The following CNTRL variants were observed in gnomAD, a reference collection of about 807,000 sequenced individuals.
CNTRL encodes the protein centriolin, also known as 110 kDa centrosomal protein.
CNTRL carries 233 observed loss-of-function variants against 303.7 expected under a neutral mutation model. That is an observed-to-expected ratio of 0.77 (90% CI 0.69 to 0.86). CNTRL has a LOEUF of 0.86. CNTRL is among the 40% of genes least tolerant of loss of function. The probability of loss-of-function intolerance (pLI) is 0.00; values close to 1 mark genes in which losing one functional copy is unlikely to be tolerated. For synonymous variants in CNTRL, 900 were observed against 922.2 expected (o/e 0.98, Z 0.44); for missense variants, 2,524 against 2,650.6 (o/e 0.95, Z 1.05).
At position 121,177,217 on chromosome 9, in the gene CNTRL, GA is replaced by G; in HGVS notation, c.*35del. The G allele has an allele frequency of 6.3e-7, 1 of 1,581,944 alleles. No homozygotes were observed. Among genetic ancestry groups the G allele is most frequent in the Non-Finnish European group, 8.7e-7 (1 of 1,154,310 alleles). ...ACTGTCTTGTGTAAATATATTCAAG[GA>G]AAACACCTCCACTACCTCACTGACT... is the stretch of plus-strand genomic sequence containing the variant. On this transcript the variant is annotated 3_prime_UTR_variant, in exon 44 of 44. Transcript: ENST00000373855.
intron 21 of CNTRL, 99 bp downstream of exon 21, chr9:121,145,058 C>T (rs770086703): frequency 2.5e-6 from 3 of 1,188,584 alleles, no homozygotes; most frequent in Non-Finnish European, 3.7e-6. Context: ...TTCTGAAGTG[C>T]AATCAATAGT....
At chr9:121,104,462 C>T (rs541518463) in intron 7 of CNTRL, among the ~76,000 whole-genome samples, 1 of 151,618 alleles carries the variant, frequency 6.6e-6, no homozygotes, top group Non-Finnish European at 1.5e-5. Flanking sequence ...CAACATGGCA[C>T]GTGTATACAT....
intron 7 of CNTRL, among the ~76,000 whole-genome samples, chr9:121,104,604 A>G (rs2049364267): frequency 6.6e-6 from 1 of 152,192 alleles, no homozygotes; most frequent in Non-Finnish European, 1.5e-5. Flanking sequence ...GGACAGCTCA[A>G]TAAAAAGTGT....
intron 2 of CNTRL, among the ~76,000 whole-genome samples, chr9:121,086,633 CTTTTT>C (rs60828602): frequency 6.4e-4 from 76 of 119,210 alleles, no homozygotes; most frequent in African/African-American, 2.3e-3. Context: ...GCTGGATTTA[CTTTTT>C]TTTTTTTTTT....
chr9:121,100,100 G>A (rs1415178091), intron 7 of CNTRL, among the ~76,000 whole-genome samples: 4 of 152,080 alleles, frequency 2.6e-5, no homozygotes, highest in East Asian at 1.9e-4. Flanking sequence ...TCCAAGACAC[G>A]TAATTGTCAG....
chr9:121,082,159 C>T (rs1449614355), intron 2 of CNTRL, among the ~76,000 whole-genome samples: 1 of 152,114 alleles, frequency 6.6e-6, no homozygotes, highest in African/African-American at 2.4e-5. Context: ...CCCTCAGAAC[C>T]AGAAGAGATT....
Position 121,125,839 on chromosome 9 carries a change from G to A in CNTRL, c.1928G>A (p.Arg643Gln), listed in dbSNP as rs368951469. The A allele has an allele frequency of 6.2e-6, 10 of 1,614,080 alleles. No homozygotes were observed. Among genetic ancestry groups the A allele is most frequent in the East Asian group, 4.5e-5 (2 of 44,896 alleles). Residue 643 changes from arginine (R) to glutamine (Q), a missense_variant, in exon 14 of 44, where the codon CGG becomes CAG. Coordinates refer to ENST00000373855, the MANE Select transcript of CNTRL (RefSeq NM_007018.6). ...GCCCAGAATGAGTGCAGGAAGCTGC[G>A]GGATGAGAAAGAGACATTGTTGCAG... is the stretch of plus-strand genomic sequence containing the variant. ...TQAQNECRKL[R>Q]DEKETLLQRL...
At chr9:121,137,504 G>A (rs1311896707) in intron 15 of CNTRL, among the ~76,000 whole-genome samples, 3 of 152,290 alleles carry the variant, frequency 2.0e-5, no homozygotes, top group African/African-American at 7.2e-5. Context: ...TCTCAGGAAT[G>A]CATGTAAAAA....
intron 2 of CNTRL, among the ~76,000 whole-genome samples, chr9:121,084,305 A>G (rs10760144): frequency 0.36 from 54,156 of 152,142 alleles, 11,999 homozygotes; most frequent in South Asian, 0.64. Flanking sequence ...TCATTTTTGC[A>G]TACACCTAAC....
rs373910918 is a variant in CNTRL, at chr9:121,168,076, C to G, written c.5845-20C>G. ...CACTATTTGTTGTTTAATGACTAAT[C>G]AAGATTATTCTTTATTAAGATGTTT... On this transcript the variant is annotated intron_variant, in intron 37 of 43. Transcript: ENST00000373855. The G allele has an allele frequency of 1.4e-4, 226 of 1,582,182 alleles. No individual in the cohort carries two copies. In the African/African-American group the frequency reaches 2.8e-3, roughly 19 times the overall value.
At chr9:121,099,736 C>T (rs1173597032) in intron 7 of CNTRL, among the ~76,000 whole-genome samples, 2 of 152,150 alleles carry the variant, frequency 1.3e-5, no homozygotes, top group African/African-American at 2.4e-5. Context: ...AGCTGAAAAC[C>T]GTGGCACGAG....
chr9:121,117,919 C>T (rs868292565), intron 11 of CNTRL, among the ~76,000 whole-genome samples: 8 of 151,130 alleles, frequency 5.3e-5, no homozygotes, highest in Middle Eastern at 6.9e-3. Context: ...GCAGAGCTTG[C>T]GGTGAGCCGA....
Position 121,169,763 on chromosome 9 carries a change from A to T in CNTRL, c.6223A>T (p.Ser2075Cys). 6.2e-7 allele frequency: 1 copy of T among 1,614,224 alleles called. No individual in the cohort carries two copies. Among genetic ancestry groups the T allele is most frequent in the Non-Finnish European group, 8.5e-7 (1 of 1,180,028 alleles). The change falls in exon 39 of 44, where the codon AGC becomes TGC. Residue 2075 changes from serine (S) to cysteine (C), a missense_variant. By Grantham distance (112) the Ser-to-Cys change is moderately radical (BLOSUM62 -1). Coordinates refer to ENST00000373855, the MANE Select transcript of CNTRL (RefSeq NM_007018.6). ...ERKKAEKQVA[S>C]LKEALKIQRS... ...AAAGAAAGCTGAGAAGCAGGTGGCC[A>T]GCCTGAAGGAAGCACTTAAGATCCA...
At position 121,161,976 on chromosome 9, in the gene CNTRL, T is replaced by C; in HGVS notation, c.5205+5T>C. On this transcript the variant is annotated splice_donor_5th_base_variant and intron_variant, in intron 33 of 43. Transcript: ENST00000373855. ...ACTCAGGTGGCAGTGCTAGAGGTAATGAACAAAGCCAGTGTACCCTTAAGA... is the reference window on the plus strand; with the variant it reads ...ACTCAGGTGGCAGTGCTAGAGGTAACGAACAAAGCCAGTGTACCCTTAAGA... 6.2e-7 allele frequency: 1 copy of C among 1,613,658 alleles called. No individual in the cohort carries two copies. The highest frequency in any genetic ancestry group is 1.3e-5 in the African/African-American group (1 of 75,020).
At chr9:121,127,770 A>G (rs1400714996) in intron 14 of CNTRL, among the ~76,000 whole-genome samples, 1 of 149,130 alleles carries the variant, frequency 6.7e-6, no homozygotes, top group Non-Finnish European at 1.5e-5. Flanking sequence ...CATTAGGTAT[A>G]TCTCCTAATG....
In CNTRL at chr9:121,088,428, A is replaced by G; in HGVS notation, c.102A>G (p.Ser34=). The change falls in exon 3 of 44, where the codon TCA becomes TCG. Residue 34 remains serine (S), a synonymous_variant. Transcript: ENST00000373855. ...CTATGTCCAATATGAGATCTAGGTCACTTTCACCTTTGATTGGATCAGAGA... is the reference window on the plus strand; with the variant it reads ...CTATGTCCAATATGAGATCTAGGTCGCTTTCACCTTTGATTGGATCAGAGA... The part of the protein sequence containing the change: ...PSSMSNMRSR[S]LSPLIGSETL... The G allele has an allele frequency of 6.2e-7, 1 of 1,611,636 alleles. No individual in the cohort carries two copies. Among genetic ancestry groups the G allele is most frequent in the Non-Finnish European group, 8.5e-7 (1 of 1,177,734 alleles).
intron 26 of CNTRL, among the ~76,000 whole-genome samples, chr9:121,154,499 C>T (rs2052455521): frequency 6.6e-6 from 1 of 152,198 alleles, no homozygotes; most frequent in African/African-American, 2.4e-5. Context: ...CAAACAATTC[C>T]ATGTCATGCA....
In CNTRL at chr9:121,148,821, T is replaced by G; in HGVS notation, c.3609T>G (p.Ser1203=). Residue 1203 remains serine (S), a synonymous_variant, in exon 24 of 44, where the codon TCT becomes TCG. Transcript: ENST00000373855. Reference sequence around the variant, plus strand: ...CTGCCTCAGGATACTGGGTTTATTCTCCCATCAGGAGTGGGTTACATAAAC... The same window carrying G: ...CTGCCTCAGGATACTGGGTTTATTCGCCCATCAGGAGTGGGTTACATAAAC... The part of the protein sequence containing the change: ...PPPASGYWVY[S]PIRSGLHKLF... 6.2e-7 allele frequency: 1 copy of G among 1,613,820 alleles called. No homozygotes were observed. The highest frequency in any genetic ancestry group is 1.3e-5 in the African/African-American group (1 of 75,030).
In CNTRL at chr9:121,154,621, A is replaced by C. The variant is rs185695361; in HGVS notation, c.4173-100A>C. On this transcript the variant is annotated intron_variant, in intron 26 of 43. Coordinates refer to ENST00000373855, the MANE Select transcript of CNTRL (RefSeq NM_007018.6). ...AGTCTTTCTTACCTATTCTCATATA[A>C]AATTAGAAAATCATTGTAGATCTTT... 3 of 703,298 alleles carry C rather than the reference A, an allele frequency of 4.3e-6. No homozygotes were observed. In the Admixed American group the frequency reaches 8.4e-5, roughly 20 times the overall value. The allele number at this position is 703,298 out of a possible 1,614,324, so 43.6% of individuals were successfully genotyped here. A position where few individuals can be genotyped will look rare whatever the true frequency, so the allele number is the denominator to read the frequency against.
Sources: allele counts gnomAD v4.1 joint callset (sites outside exome capture counted in the v4.1 genomes callset), GRCh38; gene constraint gnomAD v4.1.1; transcripts MANE v1.5; gene names NCBI Gene and HGNC (gene_info 2026-07-23, HGNC 2026-07-21).